Variants in LGR5 observed in about 807,000 individuals in gnomAD.
LGR5 encodes leucine-rich repeat-containing G protein-coupled receptor 5.
LGR5 carries 54 observed loss-of-function variants against 76.7 expected under a neutral mutation model. That is an observed-to-expected ratio of 0.70 (90% CI 0.57 to 0.88). The LOEUF (loss-of-function observed/expected upper bound fraction) is 0.88. Among genes scored for constraint, LGR5 ranks in the 40% least tolerant of loss-of-function variants. The pLI is 0.00. For missense variants in LGR5, 1,078 were observed against 1,073.3 expected, an observed-to-expected ratio of 1.00 and a Z score of -0.06; for synonymous variants, 406 against 421.9, an observed-to-expected ratio of 0.96 and a Z score of 0.46.
At position 71,440,920 on chromosome 12, in the gene LGR5, C is replaced by T. The variant is rs1188209386; in HGVS notation, c.212+628C>T. Among the ~76,000 whole-genome samples the T allele has an allele frequency of 1.3e-5, 2 of 152,076 alleles. No individual in the cohort carries two copies. The highest frequency in any genetic ancestry group is 2.1e-4 in the South Asian group (1 of 4,818). ...CGGCGTGATTAAAATGTGGCAACCACAAACCCCGATTAGAGCTGCCAGAAC... is the reference window on the plus strand; with the variant it reads ...CGGCGTGATTAAAATGTGGCAACCATAAACCCCGATTAGAGCTGCCAGAAC... On this transcript the variant is annotated intron_variant, in intron 1 of 17. Transcript: ENST00000266674. This position sits in a 1 kb window ranked among gnomAD's most constrained non-coding sequence, Gnocchi z 5.3.
At chr12:71,454,232 A>C (rs1015314807) in intron 1 of LGR5, among the ~76,000 whole-genome samples, 4 of 152,186 alleles carry the variant, frequency 2.6e-5, no homozygotes, top group Non-Finnish European at 5.9e-5. Flanking sequence ...ATCTCCTTAT[A>C]TCTTACTACG....
At chr12:71,480,408 G>A (rs1873542895) in intron 1 of LGR5, among the ~76,000 whole-genome samples, 1 of 151,526 alleles carries the variant, frequency 6.6e-6, no homozygotes, top group East Asian at 1.9e-4. Flanking sequence ...GGATGAAGCA[G>A]GCAGGCCGGG....
At chr12:71,562,088 T>C (rs1312436182) in intron 8 of LGR5, among the ~76,000 whole-genome samples, 2 of 152,196 alleles carry the variant, frequency 1.3e-5, no homozygotes, top group African/African-American at 4.8e-5. Flanking sequence ...CTAGGTATCT[T>C]TAAAATAATC....
At chr12:71,464,500 C>T (rs906495391) in intron 1 of LGR5, among the ~76,000 whole-genome samples, 1 of 151,952 alleles carries the variant, frequency 6.6e-6, no homozygotes, top group African/African-American at 2.4e-5. Flanking sequence ...GATGACTTTC[C>T]GGAAGGGTTA....
intron 2 of LGR5, among the ~76,000 whole-genome samples, chr12:71,509,463 A>G (rs1335659196): frequency 6.6e-6 from 1 of 152,156 alleles, no homozygotes; most frequent in African/African-American, 2.4e-5. Flanking sequence ...GTTCTTTACT[A>G]TTTTAATAAC....
chr12:71,493,195 A>G (rs1874154830), intron 1 of LGR5, among the ~76,000 whole-genome samples: 1 of 151,352 alleles, frequency 6.6e-6, no homozygotes, highest in East Asian at 1.9e-4. Context: ...CGTTTCCAGC[A>G]GTTTTTCGGC....
chr12:71,571,093 G>C (rs1184104448), intron 11 of LGR5, among the ~76,000 whole-genome samples: 1 of 152,104 alleles, frequency 6.6e-6, no homozygotes, highest in Non-Finnish European at 1.5e-5. Flanking sequence ...CTCCTGCTAT[G>C]TTTTGAATTG....
In LGR5 at chr12:71,553,229, G is replaced by A. The variant is rs373574644; in HGVS notation, c.585G>A (p.Leu195=). The change falls in exon 5 of 18, where the codon CTG becomes CTA. Residue 195 remains leucine, a synonymous_variant. Transcript: ENST00000266674. ...CATTGCAAGCCATGACCTTGGCCCT[G>A]AACAAAATACACCACATACCAGACT... ...LSALQAMTLA[L]NKIHHIPDYA... is the part of the protein sequence containing the mutation. The A allele has an allele frequency of 1.9e-6, 3 of 1,613,794 alleles. No individual in the cohort carries two copies. The African/African-American group carries it at 4.0e-5, about 22-fold the overall frequency.
At chr12:71,469,286 G>A (rs535155341) in intron 1 of LGR5, among the ~76,000 whole-genome samples, 5 of 152,334 alleles carry the variant, frequency 3.3e-5, no homozygotes, top group African/African-American at 1.2e-4. Context: ...GTCATAATGT[G>A]GATTAGAATT....
chr12:71,466,617 G>T (rs1312441572), intron 1 of LGR5, among the ~76,000 whole-genome samples: 1 of 150,478 alleles, frequency 6.6e-6, no homozygotes, highest in Non-Finnish European at 1.5e-5. Flanking sequence ...TAGATTCCCT[G>T]CCAAAAAAAA....
In LGR5 at chr12:71,578,806, AC is replaced by A. The variant is rs1224582103; in HGVS notation, c.1285del (p.Leu429TyrfsTer11). ...AATTGTTGTTTGATGTTTTGCAGGG[AC>A]CTATCGTCCAACCTCCTGTCGTCTT... is the stretch of plus-strand genomic sequence containing the variant. ...FSTLPSLIKLDLSSNLLSSFP... is the reference protein window; with the variant it reads ...FSTLPSLIKLXLSSNLLSSFP... On this transcript the variant is annotated frameshift_variant, in exon 15 of 18. Coordinates refer to ENST00000266674, the MANE Select transcript of LGR5 (RefSeq NM_003667.4). LOFTEE classifies it high-confidence loss of function. 6.2e-7 allele frequency: 1 copy of A among 1,604,972 alleles called. No homozygotes were observed. Among genetic ancestry groups the A allele is most frequent in the Non-Finnish European group, 8.5e-7 (1 of 1,176,244 alleles).
At chr12:71,515,976 T>C (rs899312189) in intron 2 of LGR5, among the ~76,000 whole-genome samples, 8 of 152,244 alleles carry the variant, frequency 5.3e-5, no homozygotes, top group Non-Finnish European at 1.2e-4. Flanking sequence ...GGAGCTTTGG[T>C]GTCTTCATCT....
intron 16 of LGR5, among the ~76,000 whole-genome samples, chr12:71,581,556 T>C (rs1280127082): frequency 6.6e-6 from 1 of 152,274 alleles, no homozygotes; most frequent in Non-Finnish European, 1.5e-5. Flanking sequence ...CATGTGTATC[T>C]GTTTAAGGAA....
chr12:71,540,772 T>A (rs1320482669), intron 4 of LGR5, among the ~76,000 whole-genome samples: 1 of 151,882 alleles, frequency 6.6e-6, no homozygotes, highest in East Asian at 1.9e-4. Context: ...GGATATAGAA[T>A]GGGAAGGAAG....
intron 4 of LGR5, among the ~76,000 whole-genome samples, chr12:71,544,797 C>T (rs576565865): frequency 6.6e-6 from 1 of 152,100 alleles, no homozygotes; most frequent in Non-Finnish European, 1.5e-5. Context: ...CAGAACCACA[C>T]GATTTTCACT....
intron 4 of LGR5, among the ~76,000 whole-genome samples, chr12:71,546,938 C>T (rs1401256741): frequency 1.3e-5 from 2 of 152,136 alleles, no homozygotes; most frequent in South Asian, 2.1e-4. Flanking sequence ...ATGGTTTTGA[C>T]CAGGTCCAGT....
rs4630384 is a variant in LGR5, at chr12:71,439,863, G to A, written c.-218G>A. 1.1e-4 allele frequency: 61 copies of A among 533,078 alleles called. No homozygotes were observed. Among genetic ancestry groups the A allele is most frequent in the African/African-American group, 1.1e-3 (54 of 49,048 alleles). The allele number at this position is 533,078 out of a possible 1,614,324, so 33.0% of individuals were successfully genotyped here. ...CGCCACTGTCGCCGCTGCAGCCAGG[G>A]CTGCTCCGAAGGCCGGCGTGGCGGC... On this transcript the variant is annotated 5_prime_UTR_variant, in exon 1 of 18. Transcript: ENST00000266674.
intron 13 of LGR5, among the ~76,000 whole-genome samples, chr12:71,576,433 T>A (rs746325124): frequency 6.6e-6 from 1 of 152,046 alleles, no homozygotes; most frequent in Non-Finnish European, 1.5e-5. Flanking sequence ...TTGAGAAGTC[T>A]GTAGCTGCCA....
intron 2 of LGR5, among the ~76,000 whole-genome samples, 170 bp downstream of exon 2, chr12:71,504,855 C>T (rs1028334172): frequency 6.6e-6 from 1 of 152,268 alleles, no homozygotes; most frequent in Middle Eastern, 3.4e-3. Context: ...AATAGAATTG[C>T]TTATGATTCT....
Sources: gnomAD v4.1 joint callset for allele counts (sites outside exome capture counted in the v4.1 genomes callset) on GRCh38, gnomAD v4.1.1 for gene constraint, Gnocchi (gnomAD v3.1) non-coding constraint, MANE v1.5 for transcripts, NCBI Gene and HGNC (gene_info 2026-07-23, HGNC 2026-07-21) for gene names.